Variants in SPDL1 observed in about 807,000 individuals in gnomAD.
The protein encoded by SPDL1 is spindle apparatus coiled-coil protein 1, also known as protein Spindly.
SPDL1 carries 85 observed loss-of-function variants against 79.5 expected under a neutral mutation model. The ratio of observed to expected loss-of-function variants is 1.07; its 90% CI spans 0.90 to 1.28. The LOEUF (loss-of-function observed/expected upper bound fraction) is 1.28. SPDL1 is among the 50% of genes most tolerant of loss of function. SPDL1 has a pLI of 0.00. For missense variants in SPDL1, 703 were observed against 697.8 expected (o/e 1.01, Z -0.08); for synonymous variants, 269 against 240.3 (o/e 1.12, Z -1.10).
chr5:169,591,122 C>G lies in SPDL1; in HGVS notation c.234C>G (p.Cys78Trp). The change falls in exon 3 of 12, where the codon TGC becomes TGG. Residue 78 changes from cysteine to tryptophan, a missense_variant. By Grantham distance (215) the Cys-to-Trp change is radical. Transcript: ENST00000265295. Reference sequence around the variant, plus strand: ...GTCGAATGTTAGAAAGTTTGAGCTGCGAATGTGAAGCTATTAAACAACAAC... The same window carrying G: ...GTCGAATGTTAGAAAGTTTGAGCTGGGAATGTGAAGCTATTAAACAACAAC... The part of the protein sequence containing the change: ...LKSRMLESLS[C>W]ECEAIKQQQK... 1 of 1,613,866 alleles carries G rather than the reference C, an allele frequency of 6.2e-7. No individual in the cohort carries two copies. Among genetic ancestry groups the G allele is most frequent in the Non-Finnish European group, 8.5e-7 (1 of 1,179,924 alleles).
chr5:169,597,040 A>G (rs777256323), intron 8 of SPDL1, among the ~76,000 whole-genome samples: 7 of 152,168 alleles, frequency 4.6e-5, no homozygotes, highest in Non-Finnish European at 7.4e-5. Flanking sequence ...ATGAGTTATA[A>G]TCCATTGCTT....
chr5:169,595,122 G>A lies in SPDL1; in HGVS notation c.891+441G>A, dbSNP rs751517758. On this transcript the variant is annotated intron_variant, in intron 7 of 11. Transcript: ENST00000265295. ...GGATTATTCAGGGTTCCCTTTCCTT[G>A]TAGCTCCTCAAGTCAAGCACATAGA... Among the ~76,000 whole-genome samples, 70 of 152,236 alleles carry A rather than the reference G, an allele frequency of 4.6e-4. No homozygotes were observed. The Middle Eastern group carries it at 0.017, about 37-fold the overall frequency.
At chr5:169,599,883 T>C (rs1472876394) in intron 10 of SPDL1, among the ~76,000 whole-genome samples, 2 of 152,104 alleles carry the variant, frequency 1.3e-5, no homozygotes, top group African/African-American at 4.8e-5. Context: ...TGAGATTTGC[T>C]TGGGCAATAT....
chr5:169,601,535 A>C lies in SPDL1; in HGVS notation c.1580A>C (p.Lys527Thr), dbSNP rs771257836. 26 of 1,614,216 alleles carry C rather than the reference A, an allele frequency of 1.6e-5. No homozygotes were observed. Among genetic ancestry groups the C allele is most frequent in the Non-Finnish European group, 2.1e-5 (25 of 1,180,034 alleles). Residue 527 changes from lysine to threonine, a missense_variant, in exon 11 of 12, where the codon AAG becomes ACG. Physicochemically the swap from Lys to Thr is moderately conservative, Grantham distance 78. Coordinates refer to ENST00000265295, the MANE Select transcript of SPDL1 (RefSeq NM_017785.5). ...HKNLPVDMQL[K>T]KEKKCVKLIG... is the part of the protein sequence containing the mutation. ...AATCTGCCCGTGGATATGCAGCTGA[A>C]GAAGGAAAAGAAATGTGTGAAACTC... is the stretch of plus-strand genomic sequence containing the variant.
chr5:169,601,138 CAAAG>C, intron 10 of SPDL1, 138 bp from the exon 11 acceptor site: 2 of 654,184 alleles, frequency 3.1e-6, no homozygotes, highest in Non-Finnish European at 5.2e-6. Context: ...AAGGTAGAAA[CAAAG>C]GATGCATTTC....
intron 1 of SPDL1, among the ~76,000 whole-genome samples, chr5:169,587,573 CTCTT>C (rs1755051669): frequency 6.6e-6 from 1 of 152,134 alleles, no homozygotes; most frequent in Non-Finnish European, 1.5e-5. Context: ...ACTAGTGAAT[CTCTT>C]TCCAGGAAAG....
rs1755913872 is a variant in SPDL1 at position 169,601,485 on chromosome 5, A to G, written c.1530A>G (p.Pro510=). 1 of 1,614,134 alleles carries G rather than the reference A, an allele frequency of 6.2e-7. No homozygotes were observed. Among genetic ancestry groups the G allele is most frequent in the Non-Finnish European group, 8.5e-7 (1 of 1,180,004 alleles). ...QLEKSVSIYT[P]VVSLSPHKNL... is the part of the protein sequence containing the mutation. ...AAAAATCAGTTTCTATATACACACCAGTAGTCAGTCTCTCTCCTCACAAAA... is the reference window on the plus strand; with the variant it reads ...AAAAATCAGTTTCTATATACACACCGGTAGTCAGTCTCTCTCCTCACAAAA... Residue 510 remains proline, a synonymous_variant, in exon 11 of 12, where the codon CCA becomes CCG. Transcript: ENST00000265295.
chr5:169,600,259 G>T (rs1755813227), intron 10 of SPDL1, among the ~76,000 whole-genome samples: 2 of 152,178 alleles, frequency 1.3e-5, no homozygotes, highest in Non-Finnish European at 1.5e-5. Context: ...CCAAAAATAG[G>T]AAGGTTTTTA....
rs748320895 is a variant in SPDL1 at position 169,594,231 on chromosome 5, C to A, written c.618C>A (p.Asp206Glu). 3 of 1,614,008 alleles carry A rather than the reference C, an allele frequency of 1.9e-6. No homozygotes were observed. The East Asian group carries it at 6.7e-5, about 36-fold the overall frequency. Residue 206 changes from aspartate to glutamate, a missense_variant, in exon 5 of 12, where the codon GAC (aspartate) becomes GAA (glutamate). Physicochemically the swap from Asp to Glu is conservative, Grantham distance 45. Coordinates refer to ENST00000265295, the MANE Select transcript of SPDL1 (RefSeq NM_017785.5). ...LLITNLMRQV[D>E]RLKEEKEERE... ...TTACTAACCTAATGCGCCAGGTAGA[C>A]CGGCTTAAAGAGGAAAAAGAGGAGC...
intron 1 of SPDL1, chr5:169,586,185 C>A (rs1340375473): frequency 6.6e-6 from 1 of 152,298 alleles, no homozygotes; most frequent in Non-Finnish European, 1.5e-5. Context: ...TAGGCTTTCA[C>A]CCCCACCTGG....
chr5:169,601,197 A>G (rs1581318766), intron 10 of SPDL1, 83 bp from the exon 11 acceptor site: 6 of 1,223,360 alleles, frequency 4.9e-6, no homozygotes, highest in South Asian at 3.0e-5. Flanking sequence ...AAAGGTATAC[A>G]TATAACTAGT....
intron 11 of SPDL1, among the ~76,000 whole-genome samples, chr5:169,602,261 G>A (rs1234473196): frequency 2.6e-5 from 4 of 152,148 alleles, no homozygotes; most frequent in Non-Finnish European, 5.9e-5. Flanking sequence ...AATAATTGAG[G>A]TCAGAAGGTA....
chr5:169,597,799 C>G (rs1002960456), intron 8 of SPDL1, among the ~76,000 whole-genome samples: 1 of 152,088 alleles, frequency 6.6e-6, no homozygotes, highest in African/African-American at 2.4e-5. Flanking sequence ...AACTTTATTT[C>G]TGTGTCTTAT....
chr5:169,587,775 C>G (rs1486526090), intron 1 of SPDL1, among the ~76,000 whole-genome samples: 1 of 152,154 alleles, frequency 6.6e-6, no homozygotes, highest in African/African-American at 2.4e-5. Flanking sequence ...GTGTCTTGCT[C>G]TGTCAGTGCC....
In SPDL1 at chr5:169,601,349, A is replaced by G. The variant is rs370034981; in HGVS notation, c.1394A>G (p.Asp465Gly). Reference protein sequence around the residue: ...VLPVDITTAKDACVNNSALGG... With the variant: ...VLPVDITTAKGACVNNSALGG... ...CCTGTGGATATAACCACCGCTAAAG[A>G]TGCATGTGTCAACAACAGTGCTCTC... Residue 465 changes from aspartate (D) to glycine (G), a missense_variant, in exon 11 of 12, where the codon GAT (aspartate) becomes GGT (glycine). Coordinates refer to ENST00000265295, the MANE Select transcript of SPDL1 (RefSeq NM_017785.5). The G allele has an allele frequency of 1.1e-5, 18 of 1,613,722 alleles. No homozygotes were observed. In the East Asian group the frequency reaches 3.6e-4, roughly 32 times the overall value.
At chr5:169,592,265 G>A (rs1755331510) in intron 3 of SPDL1, among the ~76,000 whole-genome samples, 1 of 127,780 alleles carries the variant, frequency 7.8e-6, no homozygotes, top group Admixed American at 9.8e-5. Flanking sequence ...CGCCCAGGCT[G>A]GAGTGCAGTG....
intron 9 of SPDL1, 148 bp downstream of exon 9, chr5:169,598,727 G>T: frequency 1.1e-6 from 1 of 916,070 alleles, no homozygotes; most frequent in Non-Finnish European, 1.7e-6. Context: ...ATATTCATGT[G>T]TGAATACATT....
At chr5:169,591,027 T>G in intron 2 of SPDL1, 21 bp from the exon 3 acceptor site, 1 of 1,587,796 alleles carries the variant, frequency 6.3e-7, no homozygotes, top group Non-Finnish European at 8.6e-7. Context: ...GTAATTGAAT[T>G]GTAATTGAAT....
At chr5:169,603,852 CA>C (rs1490785710) in intron 11 of SPDL1, among the ~76,000 whole-genome samples, 1 of 152,020 alleles carries the variant, frequency 6.6e-6, no homozygotes, top group Non-Finnish European at 1.5e-5. Context: ...GACTCTGTCT[CA>C]AAAAGTAATA....
Sources: allele counts gnomAD v4.1 joint callset (sites outside exome capture counted in the v4.1 genomes callset), GRCh38; gene constraint gnomAD v4.1.1; transcripts MANE v1.5; gene names NCBI Gene and HGNC (gene_info 2026-07-23, HGNC 2026-07-21).